Variants in CASR observed in about 807,000 individuals in gnomAD.
CASR encodes calcium sensing receptor.
Under a neutral mutation model 69.1 loss-of-function variants are expected in CASR, and 23 were observed. The ratio of observed to expected loss-of-function variants is 0.33; its 90% CI spans 0.24 to 0.47. The LOEUF (loss-of-function observed/expected upper bound fraction) is 0.47. Among genes scored for constraint, CASR ranks in the 20% least tolerant of loss-of-function variants. CASR has a pLI of 1.00. For synonymous variants in CASR, 541 were observed against 544.7 expected (o/e 0.99, Z 0.10); for missense variants, 924 against 1,356.1 (o/e 0.68, Z 5.00).
intron 1 of CASR, among the ~76,000 whole-genome samples, chr3:122,203,045 A>C (rs969991684): frequency 6.6e-6 from 1 of 152,176 alleles, no homozygotes; most frequent in Non-Finnish European, 1.5e-5. Flanking sequence ...TATTCCAGCC[A>C]AGTATTAAAC....
At chr3:122,247,426 A>C (rs964939587) in intron 1 of CASR, 1 of 152,176 alleles carries the variant, frequency 6.6e-6, no homozygotes, top group African/African-American at 2.4e-5. Context: ...TTTATGTAGG[A>C]CTTGAGGCTC....
At chr3:122,238,909 T>G (rs2074354586) in intron 1 of CASR, among the ~76,000 whole-genome samples, 1 of 152,200 alleles carries the variant, frequency 6.6e-6, no homozygotes, top group Non-Finnish European at 1.5e-5. Flanking sequence ...TCTTGGGCCC[T>G]GAATAACCAA....
rs536567269 is a variant in CASR, at chr3:122,280,644, T to C, written c.1609-1469T>C. 5.8e-4 allele frequency among the ~76,000 whole-genome samples: 89 copies of C among 152,334 alleles called. 1 individual carries two copies. The highest frequency in any genetic ancestry group is 1.1e-3 in the Non-Finnish European group (72 of 68,024). ...TCTTGGCAATCATCAGGTCCATTAC[T>C]GCCTTTCCATTCCTCATTCATTAGA... On this transcript the variant is annotated intron_variant, in intron 5 of 6. Transcript: ENST00000639785.
At chr3:122,278,635 C>A (rs2074850431) in intron 5 of CASR, among the ~76,000 whole-genome samples, 1 of 152,162 alleles carries the variant, frequency 6.6e-6, no homozygotes, top group South Asian at 2.1e-4. Flanking sequence ...TCAGCCCACT[C>A]CTGTGGTGAT....
At chr3:122,274,079 C>G (rs189827501) in intron 4 of CASR, among the ~76,000 whole-genome samples, 110 of 152,326 alleles carry the variant, frequency 7.2e-4, no homozygotes, top group Non-Finnish European at 4.9e-4. Flanking sequence ...ACGAGGGACA[C>G]AAATCCTTAG....
intron 6 of CASR, among the ~76,000 whole-genome samples, chr3:122,283,281 TAATATTTAAATA>T: frequency 6.6e-6 from 1 of 152,200 alleles, no homozygotes; most frequent in Admixed American, 6.5e-5. Context: ...TATTACCCAA[TAATATTTAAATA>T]AATAAATCAG....
intron 1 of CASR, among the ~76,000 whole-genome samples, chr3:122,235,260 T>G (rs2074318192): frequency 6.6e-6 from 1 of 152,192 alleles, no homozygotes; most frequent in South Asian, 2.1e-4. Flanking sequence ...CTCGGAAAGG[T>G]AGACGCAAAT....
intron 2 of CASR, among the ~76,000 whole-genome samples, chr3:122,255,280 C>G (rs1025861868): frequency 6.6e-6 from 1 of 152,224 alleles, no homozygotes; most frequent in Non-Finnish European, 1.5e-5. Flanking sequence ...TGGAGACTGA[C>G]TGTGCTCCAA....
intron 1 of CASR, among the ~76,000 whole-genome samples, chr3:122,227,629 G>A (rs561253168): frequency 7.2e-4 from 109 of 152,296 alleles, no homozygotes; most frequent in African/African-American, 1.1e-3. Context: ...CTCCCACAGC[G>A]CAGCAGTGAC....
intron 4 of CASR, among the ~76,000 whole-genome samples, chr3:122,272,891 A>T (rs1351277248): frequency 6.6e-6 from 1 of 152,222 alleles, no homozygotes; most frequent in Non-Finnish European, 1.5e-5. Flanking sequence ...ATTATGGTGG[A>T]AATCTCCAGC....
chr3:122,234,224 TG>T (rs1217938485), intron 1 of CASR, among the ~76,000 whole-genome samples: 8 of 152,236 alleles, frequency 5.3e-5, no homozygotes, highest in African/African-American at 1.9e-4. Context: ...CCAAGCTTTG[TG>T]GGCCAATCTT....
At chr3:122,253,140 A>T (rs1169660761) in intron 1 of CASR, among the ~76,000 whole-genome samples, 2 of 152,236 alleles carry the variant, frequency 1.3e-5, no homozygotes, top group Non-Finnish European at 2.9e-5. Flanking sequence ...GACCTGCACA[A>T]AAAAAGGAGA....
intron 1 of CASR, among the ~76,000 whole-genome samples, chr3:122,213,218 CATT>C (rs545897509): frequency 8.3e-4 from 126 of 152,176 alleles, no homozygotes; most frequent in Non-Finnish European, 1.6e-3. Flanking sequence ...GCACAGTCCT[CATT>C]GTTGGAAGAA....
intron 4 of CASR, among the ~76,000 whole-genome samples, chr3:122,268,561 C>T (rs2074720009): frequency 6.6e-6 from 1 of 152,186 alleles, no homozygotes; most frequent in Non-Finnish European, 1.5e-5. Flanking sequence ...GGTCCTTACA[C>T]AAAGAGAAAG....
intron 1 of CASR, among the ~76,000 whole-genome samples, chr3:122,241,025 G>A (rs995737995): frequency 1.3e-5 from 2 of 152,044 alleles, no homozygotes; most frequent in Non-Finnish European, 1.5e-5. Flanking sequence ...ATGCAATATA[G>A]TGAAAGCAGT....
intron 1 of CASR, among the ~76,000 whole-genome samples, chr3:122,198,553 T>C (rs1369370809): frequency 6.6e-6 from 1 of 152,126 alleles, no homozygotes; most frequent in African/African-American, 2.4e-5. Context: ...TAAGGTCTCT[T>C]GGTGATGGGC....
intron 1 of CASR, among the ~76,000 whole-genome samples, chr3:122,232,196 A>G (rs2074285322): frequency 6.6e-6 from 1 of 152,170 alleles, no homozygotes; most frequent in South Asian, 2.1e-4. Context: ...GAACCTCCAC[A>G]GGGCTTGAAG....
rs865919866 is a variant in CASR at position 122,198,625 on chromosome 3, T to C, written c.-243+14813T>C. Among the ~76,000 whole-genome samples, 4 of 151,386 alleles carry C rather than the reference T, an allele frequency of 2.6e-5. No homozygotes were observed. In the South Asian group the frequency reaches 6.3e-4, roughly 24 times the overall value. ...TTCTTCTTCCTACTTTTCTACATCA[T>C]TCGTGTATTTTACAGTTAGGAAATG... On this transcript the variant is annotated intron_variant, in intron 1 of 6. Coordinates refer to ENST00000639785, the MANE Select transcript of CASR (RefSeq NM_000388.4).
intron 1 of CASR, among the ~76,000 whole-genome samples, chr3:122,233,397 G>T (rs1016331237): frequency 6.6e-6 from 1 of 152,178 alleles, no homozygotes; most frequent in Non-Finnish European, 1.5e-5. Context: ...CAGTCCTGGG[G>T]GTCTTTGGCT....
Sources: allele counts gnomAD v4.1 joint callset (sites outside exome capture counted in the v4.1 genomes callset), GRCh38; gene constraint gnomAD v4.1.1; transcripts MANE v1.5; gene names NCBI Gene and HGNC (gene_info 2026-07-23, HGNC 2026-07-21).